The following ZNF609 variants were observed in gnomAD, a reference collection of about 807,000 sequenced individuals.
ZNF609 encodes the protein zinc finger protein 609.
Under a neutral mutation model 109.5 loss-of-function variants are expected in ZNF609, and 11 were observed. The observed-to-expected ratio is 0.10, with a 90% CI of 0.06 to 0.17. ZNF609 has a LOEUF of 0.17. Ranked by LOEUF, ZNF609 falls within the 10% of genes least tolerant of loss-of-function variation. The pLI, the probability that ZNF609 is intolerant of heterozygous loss-of-function variation, is 1.00. For synonymous variants in ZNF609, 646 were observed against 662.0 expected, an observed-to-expected ratio of 0.98 and a Z score of 0.37; for missense variants, 1,559 against 1,772.4, an observed-to-expected ratio of 0.88 and a Z score of 2.16.
chr15:64,537,295 C>G (rs1380547291), intron 2 of ZNF609, among the ~76,000 whole-genome samples: 1 of 150,934 alleles, frequency 6.6e-6, no homozygotes, highest in Non-Finnish European at 1.5e-5. Flanking sequence ...GTTGGGAGTT[C>G]GAGACCACCC....
chr15:64,675,487 C>T lies in ZNF609; in HGVS notation c.2633C>T (p.Thr878Ile), dbSNP rs1206700440. 3 of 1,614,176 alleles carry T rather than the reference C, an allele frequency of 1.9e-6. No individual in the cohort carries two copies. Among genetic ancestry groups the T allele is most frequent in the Non-Finnish European group, 2.5e-6 (3 of 1,180,032 alleles). ...TTGGTTAAAGAAGGGGCTAAGAAAACTCTTTTTCCCCCTCAGCCTCAGAGC... is the reference window on the plus strand; with the variant it reads ...TTGGTTAAAGAAGGGGCTAAGAAAATTCTTTTTCCCCCTCAGCCTCAGAGC... ...EQLVKEGAKK[T>I]LFPPQPQSKD... is the part of the protein sequence containing the mutation. The change falls in exon 5 of 10, where the codon ACT becomes ATT. Residue 878 changes from threonine (T) to isoleucine (I), a missense_variant. By Grantham distance (89) the Thr-to-Ile change is moderately conservative. This residue lies in a region of ZNF609 where 1,204 missense variants were observed against 1,314.1 expected (regional missense o/e 0.92). Coordinates refer to ENST00000326648, the MANE Select transcript of ZNF609 (RefSeq NM_015042.2).
chr15:64,599,854 C>G (rs1411347028), intron 2 of ZNF609, among the ~76,000 whole-genome samples: 1 of 152,188 alleles, frequency 6.6e-6, no homozygotes, highest in Admixed American at 6.6e-5. Context: ...GAGGCTGTTC[C>G]TTCTGCCTGG....
chr15:64,681,440 C>A, intron 9 of ZNF609, 53 bp downstream of exon 9: 1 of 1,467,430 alleles, frequency 6.8e-7, no homozygotes, highest in Non-Finnish European at 9.5e-7. Context: ...ATAGTTGCTA[C>A]CTGGATCACA....
At chr15:64,594,558 T>A (rs634866) in intron 2 of ZNF609, among the ~76,000 whole-genome samples, 112,487 of 151,476 alleles carry the variant, frequency 0.74, 45,286 homozygotes, top group East Asian at 0.96. Flanking sequence ...GCCTGGTCTC[T>A]AACTCCTGAG....
At chr15:64,467,742 G>A (rs1428364413) in intron 1 of ZNF609, among the ~76,000 whole-genome samples, 1 of 152,200 alleles carries the variant, frequency 6.6e-6, no homozygotes, top group Non-Finnish European at 1.5e-5. Context: ...CTACTCGGGA[G>A]GCTGAGGAAG....
rs990781431 is a variant in ZNF609, at chr15:64,508,423, G to A, written c.747+8257G>A. ...GTGGTGCCATTGAAGCCTTTGTGAA[G>A]TGGGGAGAAAAAAAATAAATCTTTA... On this transcript the variant is annotated intron_variant, in intron 2 of 9. Coordinates refer to ENST00000326648, the MANE Select transcript of ZNF609 (RefSeq NM_015042.2). Among the ~76,000 whole-genome samples, 44 of 152,162 alleles carry A rather than the reference G, an allele frequency of 2.9e-4. 1 individual carries two copies. The highest frequency in any genetic ancestry group is 1.1e-3 in the African/African-American group (44 of 41,430).
intron 2 of ZNF609, among the ~76,000 whole-genome samples, chr15:64,563,825 A>T (rs1234276193): frequency 2.6e-5 from 4 of 151,846 alleles, no homozygotes; most frequent in Non-Finnish European, 5.9e-5. Context: ...ATATATATAT[A>T]ATATATATGT....
chr15:64,561,717 C>A (rs1237231131), intron 2 of ZNF609, among the ~76,000 whole-genome samples: 3 of 151,900 alleles, frequency 2.0e-5, no homozygotes, highest in African/African-American at 7.3e-5. Context: ...AATTTTCATT[C>A]CTGACTTTTT....
rs374345766 is a variant in ZNF609, at chr15:64,674,954, A to C, written c.2100A>C (p.Gln700His). 6.2e-7 allele frequency: 1 copy of C among 1,613,732 alleles called. No individual in the cohort carries two copies. The highest frequency in any genetic ancestry group is 1.1e-5 in the South Asian group (1 of 91,058). Residue 700 changes from glutamine (Q) to histidine (H), a missense_variant, in exon 5 of 10, where the codon CAA becomes CAC. By Grantham distance (24) the Gln-to-His change is conservative. Coordinates refer to ENST00000326648, the MANE Select transcript of ZNF609 (RefSeq NM_015042.2). ...TVAQAMPNSP[Q>H]LKPIQPKPTV... is the part of the protein sequence containing the mutation. ...CACAAGCCATGCCCAACAGTCCCCA[A>C]CTCAAGCCCATTCAGCCCAAGCCCA...
intron 2 of ZNF609, among the ~76,000 whole-genome samples, chr15:64,563,450 CA>C (rs573467381): frequency 2.2e-3 from 301 of 135,096 alleles, no homozygotes; most frequent in African/African-American, 2.6e-3. Context: ...AACCCTGCCT[CA>C]AAAAAAAAAA....
intron 2 of ZNF609, among the ~76,000 whole-genome samples, chr15:64,565,953 A>G (rs941969231): frequency 9.2e-5 from 14 of 152,094 alleles, no homozygotes; most frequent in Non-Finnish European, 1.3e-4. Context: ...GGCTCAAGCA[A>G]CCCTTCCACA....
intron 2 of ZNF609, among the ~76,000 whole-genome samples, chr15:64,595,750 T>C (rs1567024278): frequency 6.6e-6 from 1 of 152,144 alleles, no homozygotes; most frequent in African/African-American, 2.4e-5. Context: ...CCACCTCCTT[T>C]GTAAGATAAT....
intron 1 of ZNF609, chr15:64,470,138 G>T (rs143181668): frequency 6.6e-6 from 1 of 152,308 alleles, no homozygotes; most frequent in African/African-American, 2.4e-5. Flanking sequence ...GTCTTACCCA[G>T]CCTTGACCTA....
intron 3 of ZNF609, chr15:64,631,040 C>T (rs1896066001): frequency 3.4e-6 from 1 of 298,296 alleles, no homozygotes; most frequent in Admixed American, 4.4e-5. Flanking sequence ...GGGGAGAGGA[C>T]ACCACACTTC....
At chr15:64,557,184 A>C (rs114431816) in intron 2 of ZNF609, among the ~76,000 whole-genome samples, 1,280 of 73,016 alleles carry the variant, frequency 0.018, 18 homozygotes, top group African/African-American at 0.057. Context: ...CTTTTTTCTT[A>C]TTCTTCTTTT....
At chr15:64,617,017 A>AG (rs776070172) in intron 2 of ZNF609, among the ~76,000 whole-genome samples, 4 of 150,358 alleles carry the variant, frequency 2.7e-5, no homozygotes, top group Non-Finnish European at 5.9e-5. Context: ...CATGTTGGCC[A>AG]GGCTGGTCTT....
At position 64,556,475 on chromosome 15, in the gene ZNF609, A is replaced by G. The variant is rs1894589349; in HGVS notation, c.747+56309A>G. Among the ~76,000 whole-genome samples the G allele has an allele frequency of 2.0e-5, 3 of 152,038 alleles. No homozygotes were observed. In the South Asian group the frequency reaches 6.2e-4, roughly 31 times the overall value. On this transcript the variant is annotated intron_variant, in intron 2 of 9. Coordinates refer to ENST00000326648, the MANE Select transcript of ZNF609 (RefSeq NM_015042.2). Reference sequence around the variant, plus strand: ...CCAGCCATTATTCTAAATGCTTCATATATATATATTAGTTTATTTAACCCT... The same window carrying G: ...CCAGCCATTATTCTAAATGCTTCATGTATATATATTAGTTTATTTAACCCT...
intron 7 of ZNF609, 56 bp from the exon 8 acceptor site, chr15:64,680,590 G>T: frequency 2.6e-5 from 32 of 1,233,868 alleles, no homozygotes; most frequent in African/African-American, 3.1e-5. Flanking sequence ...TGTGTGTGTG[G>T]TTGTATGCAT....
Position 64,499,391 on chromosome 15 carries a change from G to T in ZNF609, c.-29G>T. The T allele has an allele frequency of 6.2e-7, 1 of 1,601,450 alleles. No individual in the cohort carries two copies. Among genetic ancestry groups the T allele is most frequent in the Non-Finnish European group, 8.5e-7 (1 of 1,173,200 alleles). On this transcript the variant is annotated 5_prime_UTR_variant, in exon 2 of 10. Transcript: ENST00000326648. Reference sequence around the variant, plus strand: ...AAAGCTGGGGGCAAGGAAGAGCCTTGAATCTTGAGGTGGGACGTTGACTCT... The same window carrying T: ...AAAGCTGGGGGCAAGGAAGAGCCTTTAATCTTGAGGTGGGACGTTGACTCT...
Sources: gnomAD v4.1 joint callset for allele counts (sites outside exome capture counted in the v4.1 genomes callset) on GRCh38, gnomAD v4.1.1 for gene constraint, gnomAD v4.1.1 regional missense constraint, MANE v1.5 for transcripts, NCBI Gene and HGNC (gene_info 2026-07-23, HGNC 2026-07-21) for gene names.